TXNRD3: variants seen among roughly 807,000 people sequenced by gnomAD.
The protein encoded by TXNRD3 is thioredoxin reductase 3, also known as TXNRD3 neighbor gene protein.
TXNRD3 carries 68 observed loss-of-function variants against 78.2 expected under a neutral mutation model. The observed-to-expected ratio is 0.87, with a 90% confidence interval of 0.72 to 1.06. The LOEUF (loss-of-function observed/expected upper bound fraction) is 1.06. TXNRD3 is among the 50% of genes least tolerant of loss of function. The pLI, the probability that TXNRD3 is intolerant of heterozygous loss-of-function variation, is 0.00. For synonymous variants in TXNRD3, 296 were observed against 300.1 expected, an observed-to-expected ratio of 0.99 and a Z score of 0.14; for missense variants, 751 against 809.5, an observed-to-expected ratio of 0.93 and a Z score of 0.88.
intron 11 of TXNRD3, 55 bp downstream of exon 11, chr3:126,622,409 C>T: frequency 8.0e-7 from 1 of 1,254,984 alleles, no homozygotes; most frequent in Non-Finnish European, 1.1e-6. Flanking sequence ...TAGAGGTGAT[C>T]TGCAGAAACC....
rs113717955 is a variant in TXNRD3 at position 126,620,250 on chromosome 3, G to A, written c.1524+1492C>T. Among the ~76,000 whole-genome samples the A allele has an allele frequency of 9.6e-4, 139 of 145,302 alleles. 1 individual carries two copies. The highest frequency in any genetic ancestry group is 3.1e-3 in the African/African-American group (122 of 38,864). ...GCGGAGCTTGCAGTGAGCAGAGATC[G>A]AGCCACTGCACTCCAGCCTGGGCGG... is the stretch of plus-strand genomic sequence containing the variant. On this transcript the variant is annotated intron_variant, in intron 12 of 15. Coordinates refer to ENST00000524230, the MANE Select transcript of TXNRD3 (RefSeq NM_052883.3).
intron 12 of TXNRD3, among the ~76,000 whole-genome samples, chr3:126,618,385 G>A (rs941875379): frequency 6.6e-6 from 1 of 152,056 alleles, no homozygotes; most frequent in African/African-American, 2.4e-5. Context: ...ATAGACTATG[G>A]AACAGAACAG....
chr3:126,608,474 A>G (rs2107607141), intron 15 of TXNRD3, 25 bp downstream of exon 15: 1 of 1,510,410 alleles, frequency 6.6e-7, no homozygotes, highest in African/African-American at 1.4e-5. Flanking sequence ...ACTGAAGCCA[A>G]TTTTTAAAAC....
intron 6 of TXNRD3, among the ~76,000 whole-genome samples, chr3:126,638,483 C>G (rs913878752): frequency 1.3e-5 from 2 of 152,158 alleles, no homozygotes; most frequent in African/African-American, 4.8e-5. Context: ...TCTGCAATCC[C>G]AGCACTTTGG....
At chr3:126,623,333 C>T (rs1198282553) in intron 10 of TXNRD3, among the ~76,000 whole-genome samples, 1 of 152,156 alleles carries the variant, frequency 6.6e-6, no homozygotes, top group African/African-American at 2.4e-5. Context: ...GGGAGTACTT[C>T]CCAACTCCTT....
intron 2 of TXNRD3, 88 bp downstream of exon 2, chr3:126,647,148 T>C (rs1933257989): frequency 2.0e-6 from 2 of 1,020,384 alleles, no homozygotes; most frequent in Non-Finnish European, 2.8e-6. Context: ...AAGACAAGAG[T>C]AATCTGAATT....
intron 2 of TXNRD3, among the ~76,000 whole-genome samples, chr3:126,646,595 C>T (rs1933239056): frequency 1.3e-5 from 2 of 152,112 alleles, no homozygotes; most frequent in South Asian, 4.1e-4. Context: ...GGTCATAGTC[C>T]AATATTTATC....
intron 1 of TXNRD3, among the ~76,000 whole-genome samples, chr3:126,647,710 T>C (rs1323897211): frequency 1.3e-5 from 2 of 152,086 alleles, no homozygotes; most frequent in Non-Finnish European, 2.9e-5. Flanking sequence ...GGCACATGCC[T>C]TGTAGTCCCA....
At chr3:126,641,949 A>C in intron 6 of TXNRD3, 83 bp downstream of exon 6, 1 of 1,400,118 alleles carries the variant, frequency 7.1e-7, no homozygotes, top group South Asian at 1.5e-5. Flanking sequence ...GAACTCAACT[A>C]TAAAAATATG....
chr3:126,609,939 T>C (rs1357159532), intron 14 of TXNRD3, among the ~76,000 whole-genome samples: 6 of 152,132 alleles, frequency 3.9e-5, no homozygotes, highest in Non-Finnish European at 8.8e-5. Flanking sequence ...TGCCAAAAAT[T>C]GACCTCAGAT....
intron 14 of TXNRD3, among the ~76,000 whole-genome samples, chr3:126,610,822 C>T (rs1938182995): frequency 6.6e-6 from 1 of 152,046 alleles, no homozygotes; most frequent in Admixed American, 6.6e-5. Flanking sequence ...CTGCATTGTC[C>T]TGAAAGCTAC....
intron 10 of TXNRD3, among the ~76,000 whole-genome samples, chr3:126,623,868 A>AAAAAAAG (rs1938511019): frequency 1.3e-5 from 2 of 151,518 alleles, no homozygotes; most frequent in Non-Finnish European, 2.9e-5. Flanking sequence ...AAAAAAAAAA[A>AAAAAAAG]AAGATTAAAA....
chr3:126,644,942 T>G (rs1380685805), intron 3 of TXNRD3, among the ~76,000 whole-genome samples: 1 of 152,238 alleles, frequency 6.6e-6, no homozygotes, highest in Non-Finnish European at 1.5e-5. Context: ...GGCCATATCC[T>G]CTTGCTCATT....
At position 126,612,002 on chromosome 3, in the gene TXNRD3, A is replaced by C. The variant is rs550290424; in HGVS notation, c.1633-870T>G. Among the ~76,000 whole-genome samples, 3 of 152,300 alleles carry C rather than the reference A, an allele frequency of 2.0e-5. No individual in the cohort carries two copies. The South Asian group carries it at 6.2e-4, about 32-fold the overall frequency. On this transcript the variant is annotated intron_variant, in intron 13 of 15. Coordinates refer to ENST00000524230, the MANE Select transcript of TXNRD3 (RefSeq NM_052883.3). Reference sequence around the variant, plus strand: ...ATTGATTTAACTTGTTTTTAACAGAAGAGAAATAAACTCTTCTACCCATTT... The same window carrying C: ...ATTGATTTAACTTGTTTTTAACAGACGAGAAATAAACTCTTCTACCCATTT...
At chr3:126,654,625 G>A (rs1933465091) in intron 1 of TXNRD3, 123 bp downstream of exon 1, 4 of 451,402 alleles carry the variant, frequency 8.9e-6, no homozygotes. Flanking sequence ...GAGGACGGAC[G>A]GCTGACCTCA....
At chr3:126,636,660 C>T (rs542799656) in intron 6 of TXNRD3, among the ~76,000 whole-genome samples, 1 of 152,292 alleles carries the variant, frequency 6.6e-6, no homozygotes, top group East Asian at 1.9e-4. Context: ...TCCTTCAAGA[C>T]ACTACCAGAG....
At chr3:126,612,222 G>C (rs1231452415) in intron 13 of TXNRD3, among the ~76,000 whole-genome samples, 1 of 152,032 alleles carries the variant, frequency 6.6e-6, no homozygotes, top group Non-Finnish European at 1.5e-5. Context: ...ATTTTCTGTA[G>C]AGATGGGGTG....
intron 5 of TXNRD3, 85 bp from the exon 6 acceptor site, chr3:126,642,236 T>A: frequency 7.1e-7 from 1 of 1,413,148 alleles, no homozygotes; most frequent in Non-Finnish European, 9.2e-7. Flanking sequence ...CATGTGGAAA[T>A]GACAAGCTCA....
At chr3:126,626,361 CA>C (rs1164605647) in intron 10 of TXNRD3, among the ~76,000 whole-genome samples, 2 of 152,012 alleles carry the variant, frequency 1.3e-5, no homozygotes, top group Non-Finnish European at 2.9e-5. Flanking sequence ...AATACATAGG[CA>C]AGTCACAGAC....
Sources: allele counts gnomAD v4.1 joint callset (sites outside exome capture counted in the v4.1 genomes callset), GRCh38; gene constraint gnomAD v4.1.1; transcripts MANE v1.5; gene names NCBI Gene and HGNC (gene_info 2026-07-23, HGNC 2026-07-21).